The following PRKDC variants were observed in gnomAD, a reference collection of about 807,000 sequenced individuals.
PRKDC encodes the protein DNA-dependent protein kinase catalytic subunit.
In PRKDC, 82 loss-of-function variants were observed where a neutral mutation model predicts 486.9. The ratio of observed to expected loss-of-function variants is 0.17; its 90% confidence interval spans 0.14 to 0.20. PRKDC has a LOEUF of 0.20. Ranked by LOEUF, PRKDC falls within the 10% of genes least tolerant of loss-of-function variation. The pLI, the probability that PRKDC is intolerant of heterozygous loss-of-function variation, is 1.00. For missense variants in PRKDC, 4,504 were observed against 5,038.2 expected, an observed-to-expected ratio of 0.89 and a Z score of 3.21; for synonymous variants, 1,895 against 1,837.0, an observed-to-expected ratio of 1.03 and a Z score of -0.81.
intron 22 of PRKDC, among the ~76,000 whole-genome samples, chr8:47,917,612 T>C (rs868130063): frequency 2.6e-5 from 4 of 152,024 alleles, no homozygotes; most frequent in Non-Finnish European, 4.4e-5. Context: ...CAAAAAGCCA[T>C]AAAAGAACAA....
chr8:47,830,275 C>A (rs959567408), intron 61 of PRKDC, among the ~76,000 whole-genome samples: 10 of 152,202 alleles, frequency 6.6e-5, no homozygotes, highest in Non-Finnish European at 2.9e-5. Flanking sequence ...TGTCTACAAT[C>A]CACTGATTCC....
chr8:47,916,683 C>T (rs560393207), intron 22 of PRKDC, among the ~76,000 whole-genome samples: 2 of 152,284 alleles, frequency 1.3e-5, no homozygotes, highest in Non-Finnish European at 2.9e-5. Context: ...AAAGCAGTGG[C>T]TACTTCAGCT....
At chr8:47,947,152 C>T (rs1013299491) in intron 7 of PRKDC, among the ~76,000 whole-genome samples, 2 of 152,176 alleles carry the variant, frequency 1.3e-5, no homozygotes, top group Admixed American at 1.3e-4. Flanking sequence ...TAGAGACTGG[C>T]CGAGCATGGG....
At chr8:47,922,455 G>A (rs979471310) in intron 21 of PRKDC, among the ~76,000 whole-genome samples, 2 of 144,792 alleles carry the variant, frequency 1.4e-5, no homozygotes, top group African/African-American at 5.4e-5. Flanking sequence ...CTGGGTAACA[G>A]AGCGATATTT....
intron 28 of PRKDC, 86 bp from the exon 29 acceptor site, chr8:47,898,655 AT>A (rs1173578184): frequency 2.2e-5 from 18 of 801,136 alleles, no homozygotes; most frequent in Non-Finnish European, 3.1e-5. Context: ...TGTTGGCCTA[AT>A]TTTTAACTGA....
chr8:47,869,462 G>A (rs930693499), intron 40 of PRKDC, among the ~76,000 whole-genome samples: 4 of 151,592 alleles, frequency 2.6e-5, no homozygotes, highest in African/African-American at 9.7e-5. Context: ...GGCTCAGTCT[G>A]ATGGGATTCA....
intron 7 of PRKDC, among the ~76,000 whole-genome samples, chr8:47,950,227 G>A (rs191536161): frequency 1.6e-4 from 23 of 145,262 alleles, no homozygotes; most frequent in Middle Eastern, 4.2e-3. Context: ...AGCCAAGATC[G>A]CGCCATTGCA....
chr8:47,834,056 A>C lies in PRKDC; in HGVS notation c.8152+140T>G, dbSNP rs1255054268. The stretch of plus-strand genomic sequence containing the variant: ...AATTTCTTCAGCATGGTGAGTGCCT[A>C]GGCAACATTAACTGAATTTTAAAGG... On this transcript the variant is annotated intron_variant, in intron 59 of 85. Coordinates refer to ENST00000314191, the MANE Select transcript of PRKDC (RefSeq NM_006904.7). 3.7e-6 allele frequency: 4 copies of C among 1,075,490 alleles called. No homozygotes were observed. The African/African-American group carries it at 6.3e-5, about 17-fold the overall frequency. The allele number at this position is 1,075,490 out of a possible 1,614,324, so 66.6% of individuals were successfully genotyped here. A position where few individuals can be genotyped will look rare whatever the true frequency, so the allele number is the denominator to read the frequency against.
At chr8:47,907,696 G>A (rs12550529) in intron 25 of PRKDC, among the ~76,000 whole-genome samples, 1,773 of 151,688 alleles carry the variant, frequency 0.012, 16 homozygotes, top group South Asian at 0.033. Flanking sequence ...CACCACGCCC[G>A]GCTAATTTTT....
At chr8:47,823,559 G>A (rs550180083) in intron 64 of PRKDC, among the ~76,000 whole-genome samples, 1 of 152,050 alleles carries the variant, frequency 6.6e-6, no homozygotes, top group South Asian at 2.1e-4. Context: ...CTACAGAAAT[G>A]CAAGAACAGC....
chr8:47,795,964 G>A (rs950458768), intron 73 of PRKDC, among the ~76,000 whole-genome samples: 7 of 150,596 alleles, frequency 4.6e-5, no homozygotes, highest in African/African-American at 1.7e-4. Context: ...GCGCCATCTC[G>A]GCTCACTGCA....
rs544833593 is a variant in PRKDC, at chr8:47,957,394, A to C, written c.192T>G (p.Gly64=). The change falls in exon 2 of 86, where the codon GGT becomes GGG. Residue 64 remains glycine (G), a synonymous_variant. Coordinates refer to ENST00000314191, the MANE Select transcript of PRKDC (RefSeq NM_006904.7). ...QTSLVFSRDF[G]LLVFVRKSLN... is the part of the protein sequence containing the mutation. ...GTGACTTCCGGACAAATACAAGCAA[A>C]CCGAAATCTCTGGAAAAAACTAAAG... The C allele has an allele frequency of 1.9e-6, 3 of 1,595,686 alleles. No individual in the cohort carries two copies. Among genetic ancestry groups the C allele is most frequent in the South Asian group, 1.1e-5 (1 of 88,226 alleles).
intron 67 of PRKDC, among the ~76,000 whole-genome samples, chr8:47,818,423 C>T (rs994607796): frequency 1.3e-5 from 2 of 151,268 alleles, no homozygotes; most frequent in Non-Finnish European, 3.0e-5. Context: ...ACTAAAAATA[C>T]AAAAAATTAG....
chr8:47,889,639 G>T (rs927271889), intron 32 of PRKDC, among the ~76,000 whole-genome samples: 2 of 152,210 alleles, frequency 1.3e-5, no homozygotes, highest in Non-Finnish European at 2.9e-5. Context: ...AAGCCTCATG[G>T]ATACATCTAT....
At chr8:47,943,823 T>C (rs1206291902) in intron 9 of PRKDC, 30 bp downstream of exon 9, 1 of 1,521,138 alleles carries the variant, frequency 6.6e-7, no homozygotes, top group Admixed American at 1.9e-5. Context: ...TAATCTAAAA[T>C]ATTATACCTC....
chr8:47,820,910 G>C lies in PRKDC; in HGVS notation c.9145C>G (p.Leu3049Val). 1.9e-6 allele frequency: 3 copies of C among 1,606,616 alleles called. No homozygotes were observed. Among genetic ancestry groups the C allele is most frequent in the Non-Finnish European group, 2.6e-6 (3 of 1,175,300 alleles). ...TYLPYMIRSK[L>V]KLLLQGEADQ... Reference sequence around the variant, plus strand: ...GCCTCTCCCTGGAGCAGCAGCTTCAGCTTGCTGCGGATCATGTAAGGTAGA... The same window carrying C: ...GCCTCTCCCTGGAGCAGCAGCTTCACCTTGCTGCGGATCATGTAAGGTAGA... Residue 3049 changes from leucine (L) to valine (V), a missense_variant, in exon 66 of 86, where the codon CTG becomes GTG. Coordinates refer to ENST00000314191, the MANE Select transcript of PRKDC (RefSeq NM_006904.7).
intron 10 of PRKDC, among the ~76,000 whole-genome samples, chr8:47,940,177 A>G (rs1487894915): frequency 1.3e-5 from 2 of 152,172 alleles, no homozygotes; most frequent in African/African-American, 4.8e-5. Flanking sequence ...GTCATCAATA[A>G]ATAGAGTTCA....
rs1391010280 is a variant in PRKDC at position 47,835,619 on chromosome 8, T to TC, written c.7951+718dup. Among the ~76,000 whole-genome samples, 32 of 15,048 alleles carry TC rather than the reference T, an allele frequency of 2.1e-3. 1 individual carries two copies. Among genetic ancestry groups the TC allele is most frequent in the African/African-American group, 5.8e-3 (26 of 4,458 alleles). The allele number at this position is 15,048 out of a possible 152,430, so 9.9% of individuals were successfully genotyped here. A position where few individuals can be genotyped will look rare whatever the true frequency, so the allele number is the denominator to read the frequency against. ...CCTGGTGACAGAGCAGGACTCTGTCTCAAAAAAAAAAAAAAAAAAAAAAAA... is the reference window on the plus strand; with the variant it reads ...CCTGGTGACAGAGCAGGACTCTGTCTCCAAAAAAAAAAAAAAAAAAAAAAAA... On this transcript the variant is annotated intron_variant, in intron 58 of 85. Transcript: ENST00000314191.
Position 47,886,069 on chromosome 8 carries a change from T to C in PRKDC, c.4651A>G (p.Ile1551Val), listed in dbSNP as rs1563785241. 3.7e-6 allele frequency: 6 copies of C among 1,613,732 alleles called. No individual in the cohort carries two copies. Among genetic ancestry groups the C allele is most frequent in the Non-Finnish European group, 5.1e-6 (6 of 1,179,892 alleles). Residue 1551 changes from isoleucine to valine, a missense_variant, in exon 36 of 86, where the codon ATC (isoleucine) becomes GTC (valine). By Grantham distance (29) the Ile-to-Val change is conservative. Transcript: ENST00000314191. ...AAATACTCCCCATGGGAGAAGTGGATGACGCTGCCCTGTGAGCTGCCCAAG... is the reference window on the plus strand; with the variant it reads ...AAATACTCCCCATGGGAGAAGTGGACGACGCTGCCCTGTGAGCTGCCCAAG... ...ASLGSSQGSV[I>V]HFSHGEYFYS...
Sources: allele counts gnomAD v4.1 joint callset (sites outside exome capture counted in the v4.1 genomes callset), GRCh38; gene constraint gnomAD v4.1.1; transcripts MANE v1.5; gene names NCBI Gene and HGNC (gene_info 2026-07-23, HGNC 2026-07-21).